SAMMSON: variants seen among roughly 807,000 people sequenced by gnomAD.
The protein encoded by SAMMSON is survival associated mitochondrial melanoma specific oncogenic non-coding RNA.
intron 3 of SAMMSON, among the ~76,000 whole-genome samples, chr3:70,042,663 C>G (rs2067110220): frequency 1.3e-5 from 2 of 151,182 alleles, no homozygotes; most frequent in African/African-American, 4.9e-5. Context: ...CTCATTTCTC[C>G]TGTTTTGCTG....
intron 3 of SAMMSON, among the ~76,000 whole-genome samples, chr3:70,028,758 G>A (rs2067052800): frequency 1.3e-5 from 2 of 152,042 alleles, no homozygotes; most frequent in Non-Finnish European, 2.9e-5. Context: ...TCATTCTTTG[G>A]GCATACTCAA....
intron 4 of SAMMSON, among the ~76,000 whole-genome samples, chr3:70,235,967 C>A (rs1474432169): frequency 2.0e-5 from 3 of 152,114 alleles, no homozygotes; most frequent in African/African-American, 7.2e-5. Context: ...ATTCTGTCTT[C>A]AAAACCTGCA....
At chr3:70,016,218 A>G (rs1269779948) in intron 3 of SAMMSON, among the ~76,000 whole-genome samples, 4 of 152,162 alleles carry the variant, frequency 2.6e-5, no homozygotes, top group Non-Finnish European at 4.4e-5. Context: ...CATCCTCTCC[A>G]GCACCTGTTG....
At chr3:70,380,495 G>A (rs1703056085) in intron 9 of SAMMSON, among the ~76,000 whole-genome samples, 1 of 152,082 alleles carries the variant, frequency 6.6e-6, no homozygotes, top group South Asian at 2.1e-4. Context: ...TGTGTGCTAA[G>A]TGTTCAGAAT....
chr3:70,007,262 C>A (rs1486757680), intron 1 of SAMMSON, among the ~76,000 whole-genome samples: 2 of 152,206 alleles, frequency 1.3e-5, no homozygotes, highest in Non-Finnish European at 2.9e-5. Flanking sequence ...ACAGTCCCAA[C>A]AACAGTGTAA....
chr3:70,345,067 A>G (rs1009623844), intron 7 of SAMMSON, among the ~76,000 whole-genome samples: 1 of 152,236 alleles, frequency 6.6e-6, no homozygotes, highest in Non-Finnish European at 1.5e-5. Flanking sequence ...TGCATTCTAC[A>G]TGTAACAATC....
chr3:70,232,948 GA>G (rs1309419757), intron 4 of SAMMSON, among the ~76,000 whole-genome samples: 1 of 152,124 alleles, frequency 6.6e-6, no homozygotes, highest in African/African-American at 2.4e-5. Context: ...CAGCACTTTG[GA>G]AGGCCAAGGG....
intron 7 of SAMMSON, among the ~76,000 whole-genome samples, chr3:70,341,828 A>T (rs1330797501): frequency 7.8e-6 from 1 of 128,676 alleles, no homozygotes; most frequent in Admixed American, 8.7e-5. Flanking sequence ...AGCACACGAT[A>T]GGCACTCCAA....
intron 3 of SAMMSON, chr3:70,068,855 T>G (rs2107594034): frequency 6.6e-6 from 1 of 152,212 alleles, no homozygotes; most frequent in East Asian, 1.9e-4. Flanking sequence ...GAGGCCCCTT[T>G]ATAATACTGA....
At chr3:70,402,887 G>GTA (rs974533484) in intron 2 of SAMMSON, among the ~76,000 whole-genome samples, 32 of 151,552 alleles carry the variant, frequency 2.1e-4, no homozygotes, top group East Asian at 3.9e-4. Context: ...ACATATATAT[G>GTA]TATATATATA....
chr3:70,267,496 G>C (rs899784118), intron 6 of SAMMSON, among the ~76,000 whole-genome samples: 2 of 146,934 alleles, frequency 1.4e-5, no homozygotes, highest in Admixed American at 7.0e-5. Flanking sequence ...TCCGCCTCCT[G>C]GGCTCACGCC....
chr3:70,094,865 T>A (rs751862351), intron 4 of SAMMSON: 1 of 151,934 alleles, frequency 6.6e-6, no homozygotes, highest in Non-Finnish European at 1.5e-5. Context: ...CAGGTAAGGG[T>A]TTTTAAAGGT....
intron 3 of SAMMSON, among the ~76,000 whole-genome samples, chr3:70,061,848 C>T (rs995104732): frequency 6.6e-6 from 1 of 152,264 alleles, no homozygotes. Flanking sequence ...TTGTCACTTG[C>T]AACAGCTTCA....
At chr3:70,285,520 G>A (rs547249525) in intron 6 of SAMMSON, among the ~76,000 whole-genome samples, 11 of 151,950 alleles carry the variant, frequency 7.2e-5, no homozygotes, top group East Asian at 1.9e-4. Flanking sequence ...ATAAAAATAC[G>A]TGTGCATGTG....
chr3:70,140,990 G>A (rs755870060), intron 4 of SAMMSON, among the ~76,000 whole-genome samples: 2 of 151,990 alleles, frequency 1.3e-5, no homozygotes, highest in African/African-American at 2.4e-5. Flanking sequence ...ATTGCCCTTC[G>A]TGGGACATTC....
intron 9 of SAMMSON, among the ~76,000 whole-genome samples, chr3:70,387,919 C>T (rs9856470): frequency 0.2 from 30,809 of 151,818 alleles, 3,713 homozygotes; most frequent in East Asian, 0.44. Context: ...TAAAATATAC[C>T]TTATTTCTAT....
intron 4 of SAMMSON, among the ~76,000 whole-genome samples, chr3:70,144,327 C>G (rs2067539542): frequency 1.3e-5 from 2 of 152,056 alleles, no homozygotes; most frequent in African/African-American, 4.8e-5. Context: ...TCTCTCTCCC[C>G]TCTTTACCCA....
chr3:70,370,095 A>G (rs1023132048), intron 9 of SAMMSON, among the ~76,000 whole-genome samples: 1 of 151,920 alleles, frequency 6.6e-6, no homozygotes, highest in Admixed American at 6.6e-5. Context: ...TATTTTACTT[A>G]ACATAATGGC....
intron 3 of SAMMSON, among the ~76,000 whole-genome samples, chr3:70,035,699 G>T (rs899069116): frequency 1.3e-5 from 2 of 152,138 alleles, no homozygotes; most frequent in African/African-American, 4.8e-5. Context: ...AATTTAGGAG[G>T]CAGGCTGGTG....
Sources: gnomAD v4.1 joint callset for allele counts (sites outside exome capture counted in the v4.1 genomes callset) on GRCh38, gnomAD v4.1.1 for gene constraint, MANE v1.5 for transcripts, NCBI Gene and HGNC (gene_info 2026-07-23, HGNC 2026-07-21) for gene names.